The following ARPC4 variants were observed in gnomAD, a reference collection of about 807,000 sequenced individuals.
The protein encoded by ARPC4 is actin related protein 2/3 complex subunit 4, also known as actin-related protein 2/3 complex subunit 4.
A neutral mutation model predicts 22.8 loss-of-function variants in ARPC4; 3 were observed. That is an observed-to-expected ratio of 0.13 (90% confidence interval 0.06 to 0.34). The LOEUF is 0.34. ARPC4 is among the 10% of genes least tolerant of loss of function. The pLI is 1.00. For missense variants in ARPC4, 98 were observed against 211.0 expected (o/e 0.46, Z 3.32); for synonymous variants, 80 against 72.5 (o/e 1.10, Z -0.52).
intron 3 of ARPC4, among the ~76,000 whole-genome samples, chr3:9,800,949 G>A (rs141787008): frequency 0.02 from 3,074 of 152,146 alleles, 85 homozygotes; most frequent in African/African-American, 0.07. Flanking sequence ...AGTGGCTCAT[G>A]CCTGTAATCC....
chr3:9,806,496 G>A lies in ARPC4; in HGVS notation c.*281G>A, dbSNP rs1411637729. The A allele has an allele frequency of 1.4e-5, 7 of 506,130 alleles. No individual in the cohort carries two copies. The highest frequency in any genetic ancestry group is 2.5e-5 in the Non-Finnish European group (7 of 282,344). 31.4% of individuals were successfully genotyped at this position (506,130 alleles called of 1,614,324 possible). A position where few individuals can be genotyped will look rare whatever the true frequency, so the allele number is the denominator to read the frequency against. The stretch of plus-strand genomic sequence containing the variant: ...TTGAAACTTAAACTCTGTGCTTGTA[G>A]GATACTGTAACCTTTTTGTCTTTTT... On this transcript the variant is annotated 3_prime_UTR_variant, in exon 6 of 6. Coordinates refer to ENST00000397261, the MANE Select transcript of ARPC4 (RefSeq NM_005718.5).
chr3:9,800,091 C>G (rs556649892), intron 2 of ARPC4, 94 bp from the exon 3 acceptor site: 39 of 1,260,266 alleles, frequency 3.1e-5, no homozygotes, highest in African/African-American at 1.0e-4. Context: ...TCCTTGGACT[C>G]TATGGTCTCA....
At chr3:9,795,909 A>G (rs2125637398) in intron 1 of ARPC4, among the ~76,000 whole-genome samples, 1 of 152,324 alleles carries the variant, frequency 6.6e-6, no homozygotes, top group African/African-American at 2.4e-5. Context: ...CAGCCTGGCC[A>G]ACATGGCGAA....
At chr3:9,798,551 A>G (rs1174634122) in intron 2 of ARPC4, among the ~76,000 whole-genome samples, 3 of 152,112 alleles carry the variant, frequency 2.0e-5, no homozygotes, top group Non-Finnish European at 2.9e-5. Flanking sequence ...GCGACAGTGC[A>G]CTCCAGCCTG....
intron 1 of ARPC4, 149 bp from the exon 2 acceptor site, chr3:9,797,510 T>C (rs1246198020): frequency 1.3e-6 from 1 of 774,786 alleles, no homozygotes; most frequent in Admixed American, 2.8e-5. Context: ...GGAAGGCGTC[T>C]CGAAGGCCTA....
Position 9,800,173 on chromosome 3 carries a change from T to C in ARPC4, c.123-12T>C. 2.5e-6 allele frequency: 4 copies of C among 1,613,670 alleles called. No individual in the cohort carries two copies. The stretch of plus-strand genomic sequence containing the variant: ...TCTGTAGTACAAGTACTCTGTCACA[T>C]TATGTTTTCAGGAGTAGCAAAGAGC... On this transcript the variant is annotated splice_polypyrimidine_tract_variant and intron_variant, in intron 2 of 5. Coordinates refer to ENST00000397261, the MANE Select transcript of ARPC4 (RefSeq NM_005718.5).
At chr3:9,801,824 C>G in intron 4 of ARPC4, 68 bp downstream of exon 4, 1 of 1,442,726 alleles carries the variant, frequency 6.9e-7, no homozygotes. Flanking sequence ...GGGATTGTTT[C>G]TAGAACCAGC....
intron 4 of ARPC4, chr3:9,803,616 G>A (rs893831736): frequency 3.3e-5 from 23 of 688,768 alleles, no homozygotes; most frequent in African/African-American, 3.1e-4. Flanking sequence ...TTCCAGAGAT[G>A]TCTGATACAC....
At chr3:9,795,711 G>A (rs903863941) in intron 1 of ARPC4, among the ~76,000 whole-genome samples, 4 of 152,192 alleles carry the variant, frequency 2.6e-5, no homozygotes, top group African/African-American at 9.6e-5. Flanking sequence ...TAGGTACTGA[G>A]CTAGGTTGGA....
intron 5 of ARPC4, 184 bp downstream of exon 5, chr3:9,804,197 G>C (rs374732673): frequency 3.5e-6 from 2 of 579,472 alleles, no homozygotes; most frequent in Non-Finnish European, 5.8e-6. Context: ...GTTCATCTCT[G>C]AGAGCTACAA....
intron 1 of ARPC4, among the ~76,000 whole-genome samples, chr3:9,795,693 G>A (rs1199555631): frequency 6.6e-6 from 1 of 152,228 alleles, no homozygotes; most frequent in Non-Finnish European, 1.5e-5. Context: ...GTGAGACACT[G>A]TATATGTTAG....
rs2079055841 is a variant in ARPC4, at chr3:9,803,558, AGT to A, written c.331-284_331-283del. 7 of 573,264 alleles carry A rather than the reference AGT, an allele frequency of 1.2e-5. No homozygotes were observed. The East Asian group carries it at 2.8e-4, about 23-fold the overall frequency. 35.5% of individuals were successfully genotyped at this position (573,264 alleles called of 1,614,324 possible). On this transcript the variant is annotated intron_variant, in intron 4 of 5. Transcript: ENST00000397261. Reference sequence around the variant, plus strand: ...TAGATTATTCTGTAACAAGACTTCAAGTTCCTTGACTCATTCTGAATGCAGAG... The same window carrying A: ...TAGATTATTCTGTAACAAGACTTCAATCCTTGACTCATTCTGAATGCAGAG...
At chr3:9,803,820 C>T in intron 4 of ARPC4, 23 bp from the exon 5 acceptor site, 1 of 1,608,272 alleles carries the variant, frequency 6.2e-7, no homozygotes, top group Non-Finnish European at 8.5e-7. Flanking sequence ...TCTCTTCCCC[C>T]TCCCTACTGT....
chr3:9,803,070 A>G (rs2079045985), intron 4 of ARPC4, among the ~76,000 whole-genome samples: 1 of 151,528 alleles, frequency 6.6e-6, no homozygotes, highest in South Asian at 2.1e-4. Flanking sequence ...TTTTTAGTAG[A>G]GACGGGGTTT....
chr3:9,796,131 C>T (rs1416186106), intron 1 of ARPC4, among the ~76,000 whole-genome samples: 1 of 151,584 alleles, frequency 6.6e-6, no homozygotes, highest in Non-Finnish European at 1.5e-5. Context: ...CGTTGGCTCA[C>T]GCCTGTAATC....
At chr3:9,800,349 C>T (rs1164012497) in intron 3 of ARPC4, 53 bp downstream of exon 3, 1 of 1,569,010 alleles carries the variant, frequency 6.4e-7, no homozygotes, top group Non-Finnish European at 8.7e-7. Flanking sequence ...GTCCTTTCAG[C>T]CTCTTTCAGT....
At chr3:9,804,999 TC>T (rs1245675443) in intron 5 of ARPC4, among the ~76,000 whole-genome samples, 2 of 152,222 alleles carry the variant, frequency 1.3e-5, no homozygotes, top group Non-Finnish European at 2.9e-5. Context: ...TACTTATCTT[TC>T]AGTGGTTGAG....
chr3:9,801,346 A>G (rs1367731809), intron 3 of ARPC4, among the ~76,000 whole-genome samples: 3 of 152,140 alleles, frequency 2.0e-5, no homozygotes, highest in Admixed American at 6.5e-5. Flanking sequence ...TGATGCTGCA[A>G]AACACCCTGG....
chr3:9,796,388 C>T (rs545120146), intron 1 of ARPC4, among the ~76,000 whole-genome samples: 1 of 152,242 alleles, frequency 6.6e-6, no homozygotes, highest in South Asian at 2.1e-4. Context: ...AAGCGAGACT[C>T]CCTCTCAAAA....
Sources: gnomAD v4.1 joint callset for allele counts (sites outside exome capture counted in the v4.1 genomes callset) on GRCh38, gnomAD v4.1.1 for gene constraint, MANE v1.5 for transcripts, NCBI Gene and HGNC (gene_info 2026-07-23, HGNC 2026-07-21) for gene names.